Variants in DZANK1 observed in about 807,000 individuals in gnomAD.
The protein encoded by DZANK1 is double zinc ribbon and ankyrin repeat domains 1.
DZANK1 carries 91 observed loss-of-function variants against 94.5 expected under a neutral mutation model. The ratio of observed to expected loss-of-function variants is 0.96; its 90% confidence interval spans 0.81 to 1.15. DZANK1 has a LOEUF of 1.15. Ranked by LOEUF, DZANK1 falls within the 50% of genes most tolerant of loss-of-function variation. DZANK1 has a pLI of 0.00. For synonymous variants in DZANK1, 312 were observed against 325.3 expected (o/e 0.96, Z 0.44); for missense variants, 903 against 916.4 (o/e 0.99, Z 0.19).
intron 3 of DZANK1, among the ~76,000 whole-genome samples, chr20:18,456,282 C>A (rs1265508166): frequency 6.6e-6 from 1 of 152,156 alleles, no homozygotes; most frequent in African/African-American, 2.4e-5. Flanking sequence ...TAATATTTCA[C>A]AATTCATCTT....
intron 13 of DZANK1, among the ~76,000 whole-genome samples, chr20:18,399,076 A>G (rs1189573636): frequency 6.6e-6 from 1 of 150,842 alleles, no homozygotes; most frequent in East Asian, 2.0e-4. Flanking sequence ...CAATGAGCTG[A>G]GATTGCACCA....
chr20:18,452,620 A>G (rs1161762877), exon 6 of DZANK1: 1 of 1,590,324 alleles, frequency 6.3e-7, no homozygotes, highest in Non-Finnish European at 8.6e-7. Flanking sequence ...GTTACCTGGG[A>G]CTGGCGGGTG....
At chr20:18,412,189 A>C (rs1050918160) in intron 13 of DZANK1, among the ~76,000 whole-genome samples, 1 of 152,222 alleles carries the variant, frequency 6.6e-6, no homozygotes, top group Admixed American at 6.5e-5. Flanking sequence ...TGGCCAGACT[A>C]GACTCAAGAG....
At chr20:18,460,992 T>C (rs2059454554) in intron 2 of DZANK1, among the ~76,000 whole-genome samples, 1 of 152,196 alleles carries the variant, frequency 6.6e-6, no homozygotes, top group Non-Finnish European at 1.5e-5. Flanking sequence ...GGAGTTGTGA[T>C]TTGACTTCTG....
intron 3 of DZANK1, among the ~76,000 whole-genome samples, chr20:18,455,823 G>A (rs2059266887): frequency 1.3e-5 from 2 of 152,136 alleles, no homozygotes; most frequent in Non-Finnish European, 1.5e-5. Context: ...TCTCTCATGT[G>A]GTTAGCTTGG....
intron 9 of DZANK1, 112 bp from the exon 10 acceptor site, chr20:18,427,271 C>T: frequency 1.5e-6 from 1 of 670,722 alleles, no homozygotes; most frequent in Admixed American, 2.6e-5. Flanking sequence ...ATTACTGCAC[C>T]CAGGCCCTGA....
At chr20:18,465,150 A>T (rs2059600248) in intron 2 of DZANK1, 100 bp downstream of exon 2, 1 of 774,972 alleles carries the variant, frequency 1.3e-6, no homozygotes, top group Admixed American at 2.9e-5. Flanking sequence ...AAAGCTGAGC[A>T]AAGAGTGAGA....
At chr20:18,460,805 T>A (rs1351321530) in intron 2 of DZANK1, among the ~76,000 whole-genome samples, 1 of 152,214 alleles carries the variant, frequency 6.6e-6, no homozygotes, top group Non-Finnish European at 1.5e-5. Context: ...TATATATACA[T>A]AATGGAAATG....
chr20:18,425,573 T>C (rs1464028688), intron 10 of DZANK1, among the ~76,000 whole-genome samples: 1 of 151,834 alleles, frequency 6.6e-6, no homozygotes, highest in Non-Finnish European at 1.5e-5. Context: ...AAAGGTATCT[T>C]GTCCAACTCC....
At chr20:18,387,877 C>A (rs1355251489) in intron 19 of DZANK1, among the ~76,000 whole-genome samples, 1 of 152,226 alleles carries the variant, frequency 6.6e-6, no homozygotes, top group Non-Finnish European at 1.5e-5. Flanking sequence ...TGGGAGACAG[C>A]ATTTTAATTC....
At chr20:18,457,638 T>A (rs183580045) in intron 3 of DZANK1, among the ~76,000 whole-genome samples, 4 of 152,276 alleles carry the variant, frequency 2.6e-5, no homozygotes, top group Non-Finnish European at 5.9e-5. Flanking sequence ...ATTGCGTTTA[T>A]CCTCATGGCC....
At chr20:18,446,161 C>T (rs2058873843) in intron 7 of DZANK1, among the ~76,000 whole-genome samples, 1 of 152,148 alleles carries the variant, frequency 6.6e-6, no homozygotes. Context: ...AGGAGGATGC[C>T]TTGAATCCAG....
intron 10 of DZANK1, 74 bp from the exon 11 acceptor site, chr20:18,415,523 T>TA (rs921852853): frequency 2.3e-6 from 3 of 1,308,804 alleles, no homozygotes; most frequent in Admixed American, 3.2e-5. Context: ...TCAAAAAAGA[T>TA]AAAAAATTCC....
intron 13 of DZANK1, among the ~76,000 whole-genome samples, chr20:18,410,530 A>G (rs1408835929): frequency 6.6e-6 from 1 of 152,256 alleles, no homozygotes. Context: ...ATTTAGAAAC[A>G]TTTGGAAAAC....
chr20:18,413,014 C>T, intron 12 of DZANK1, 161 bp from the exon 13 acceptor site: 1 of 683,862 alleles, frequency 1.5e-6, no homozygotes, highest in South Asian at 2.0e-5. Context: ...TTCCTTGCTC[C>T]TGTCTTTCTC....
intron 2 of DZANK1, among the ~76,000 whole-genome samples, chr20:18,463,277 C>A (rs1192658199): frequency 2.6e-5 from 4 of 152,186 alleles, no homozygotes; most frequent in Admixed American, 1.3e-4. Flanking sequence ...CGAAATACCA[C>A]GTGTTCTCAC....
At chr20:18,456,706 GT>G (rs11475753) in intron 3 of DZANK1, among the ~76,000 whole-genome samples, 75,543 of 151,118 alleles carry the variant, frequency 0.5, 19,215 homozygotes, top group East Asian at 0.59. Flanking sequence ...TTATTTATTT[GT>G]TTTTTTTTGG....
At chr20:18,458,212 T>C (rs1197343160) in intron 3 of DZANK1, among the ~76,000 whole-genome samples, 1 of 152,260 alleles carries the variant, frequency 6.6e-6, no homozygotes, top group Non-Finnish European at 1.5e-5. Context: ...TGCTCAACTT[T>C]TATATTTCTT....
intron 12 of DZANK1, 69 bp downstream of exon 12, chr20:18,414,279 G>A: frequency 6.4e-7 from 1 of 1,567,574 alleles, no homozygotes; most frequent in Non-Finnish European, 8.7e-7. Context: ...GATTCACAGG[G>A]TGGAGCACAC....
Sources: allele counts gnomAD v4.1 joint callset (sites outside exome capture counted in the v4.1 genomes callset), GRCh38; gene constraint gnomAD v4.1.1; transcripts MANE v1.5; gene names NCBI Gene and HGNC (gene_info 2026-07-23, HGNC 2026-07-21).